Variants in HPSE2 observed in about 807,000 individuals in gnomAD.
HPSE2 encodes the protein inactive heparanase-2.
HPSE2 carries 38 observed loss-of-function variants against 60.5 expected under a neutral mutation model. The observed-to-expected ratio is 0.63, with a 90% confidence interval of 0.48 to 0.82. HPSE2 has a LOEUF of 0.82. HPSE2 is among the 40% of genes least tolerant of loss of function. HPSE2 has a pLI of 0.00. For synonymous variants in HPSE2, 295 were observed against 293.2 expected, an observed-to-expected ratio of 1.01 and a Z score of -0.06; for missense variants, 713 against 740.4, an observed-to-expected ratio of 0.96 and a Z score of 0.43.
At chr10:98,839,585 A>G (rs1215597882) in intron 3 of HPSE2, among the ~76,000 whole-genome samples, 3 of 152,244 alleles carry the variant, frequency 2.0e-5, no homozygotes, top group Non-Finnish European at 4.4e-5. Context: ...AATAAAAGGT[A>G]CACAGGTCAA....
At chr10:98,822,396 A>G (rs1007134149) in intron 3 of HPSE2, among the ~76,000 whole-genome samples, 1 of 152,198 alleles carries the variant, frequency 6.6e-6, no homozygotes. Flanking sequence ...ATATCATGCT[A>G]TATAAGAATG....
At chr10:99,082,875 G>A (rs1012426674) in intron 3 of HPSE2, among the ~76,000 whole-genome samples, 5 of 152,018 alleles carry the variant, frequency 3.3e-5, no homozygotes, top group African/African-American at 9.7e-5. Context: ...ACTGAATTTC[G>A]AAAATAAATT....
chr10:99,073,692 C>T (rs757290226), intron 3 of HPSE2, among the ~76,000 whole-genome samples: 2 of 152,162 alleles, frequency 1.3e-5, no homozygotes, highest in Non-Finnish European at 2.9e-5. Context: ...TAAACACGAG[C>T]TGTCTCTCCA....
At chr10:98,467,830 C>T (rs1378419095) in intron 11 of HPSE2, among the ~76,000 whole-genome samples, 1 of 152,258 alleles carries the variant, frequency 6.6e-6, no homozygotes, top group Non-Finnish European at 1.5e-5. Context: ...GCAAGGGTCC[C>T]ACCTGGAATG....
chr10:98,875,005 G>A (rs148960930), intron 3 of HPSE2, among the ~76,000 whole-genome samples: 1,649 of 151,986 alleles, frequency 0.011, 33 homozygotes, highest in African/African-American at 0.037. Flanking sequence ...TGCTGGATTC[G>A]GTTTGCCAGT....
chr10:99,122,886 C>T (rs940072299), intron 3 of HPSE2, among the ~76,000 whole-genome samples: 2 of 151,866 alleles, frequency 1.3e-5, no homozygotes, highest in African/African-American at 4.8e-5. Flanking sequence ...ATAAGCCTTA[C>T]CAGAAATCAA....
chr10:98,858,920 G>GT (rs895176628), intron 3 of HPSE2, among the ~76,000 whole-genome samples: 1 of 151,848 alleles, frequency 6.6e-6, no homozygotes, highest in African/African-American at 2.4e-5. Flanking sequence ...TATCATCTGT[G>GT]TTTTTTTTGT....
intron 3 of HPSE2, among the ~76,000 whole-genome samples, chr10:99,016,261 T>G (rs1564739429): frequency 6.6e-6 from 1 of 152,244 alleles, no homozygotes; most frequent in Admixed American, 6.5e-5. Context: ...TGCTAGTCAT[T>G]TATCCCAGCA....
At chr10:98,657,881 A>G (rs753810374) in intron 6 of HPSE2, among the ~76,000 whole-genome samples, 6 of 152,216 alleles carry the variant, frequency 3.9e-5, no homozygotes, top group Non-Finnish European at 8.8e-5. Context: ...AATAGTTGGT[A>G]AGGTTGAAAA....
At chr10:98,892,847 T>G (rs1953374827) in intron 3 of HPSE2, among the ~76,000 whole-genome samples, 1 of 152,148 alleles carries the variant, frequency 6.6e-6, no homozygotes, top group South Asian at 2.1e-4. Flanking sequence ...GGTTTTTTTC[T>G]TGTTTTTGTT....
At chr10:98,481,994 G>C (rs921894075) in intron 11 of HPSE2, among the ~76,000 whole-genome samples, 5 of 152,138 alleles carry the variant, frequency 3.3e-5, no homozygotes, top group African/African-American at 1.2e-4. Flanking sequence ...GAGTGTCACA[G>C]AATCGTTTAT....
chr10:98,934,658 A>C (rs1201150033), intron 3 of HPSE2, among the ~76,000 whole-genome samples: 1 of 144,090 alleles, frequency 6.9e-6, no homozygotes, highest in Non-Finnish European at 1.5e-5. Context: ...TGTTAGTGTC[A>C]TGGGCTTCCC....
chr10:98,475,767 TG>T (rs1354796286), intron 11 of HPSE2, among the ~76,000 whole-genome samples: 1 of 151,944 alleles, frequency 6.6e-6, no homozygotes, highest in Non-Finnish European at 1.5e-5. Context: ...CCACTTCTTC[TG>T]GAAAAAAAAA....
chr10:98,773,455 T>C (rs2134427522), intron 3 of HPSE2, among the ~76,000 whole-genome samples: 1 of 152,326 alleles, frequency 6.6e-6, no homozygotes, highest in South Asian at 2.1e-4. Flanking sequence ...TCCCTTATAA[T>C]TTGTAATTCC....
intron 11 of HPSE2, among the ~76,000 whole-genome samples, chr10:98,475,275 GC>G (rs1272675304): frequency 6.6e-6 from 1 of 151,886 alleles, no homozygotes. Context: ...CCGCCACCAT[GC>G]CCGGCTAATT....
chr10:98,826,021 C>A (rs1027944552), intron 3 of HPSE2, among the ~76,000 whole-genome samples: 2 of 152,200 alleles, frequency 1.3e-5, no homozygotes, highest in Admixed American at 1.3e-4. Context: ...TCAGCTGTTA[C>A]TTGCAGCTGA....
intron 3 of HPSE2, among the ~76,000 whole-genome samples, chr10:98,797,026 A>C (rs1028605120): frequency 1.3e-5 from 2 of 152,214 alleles, no homozygotes; most frequent in Non-Finnish European, 2.9e-5. Flanking sequence ...ACAGGCGCAA[A>C]TAAGCCCAGA....
chr10:98,994,184 C>A (rs1490538663), intron 3 of HPSE2, among the ~76,000 whole-genome samples: 2 of 152,188 alleles, frequency 1.3e-5, no homozygotes, highest in African/African-American at 2.4e-5. Flanking sequence ...GGAAATGATA[C>A]CAGCTGTGGG....
At chr10:99,004,235 C>T (rs757012609) in intron 3 of HPSE2, among the ~76,000 whole-genome samples, 3 of 151,992 alleles carry the variant, frequency 2.0e-5, no homozygotes, top group Non-Finnish European at 2.9e-5. Context: ...ATTCAATCTA[C>T]TTACATTCAA....
Sources: gnomAD v4.1 joint callset for allele counts (sites outside exome capture counted in the v4.1 genomes callset) on GRCh38, gnomAD v4.1.1 for gene constraint, MANE v1.5 for transcripts, NCBI Gene and HGNC (gene_info 2026-07-23, HGNC 2026-07-21) for gene names.